Variants in PCDHA10 observed in about 807,000 individuals in gnomAD.
PCDHA10 encodes protocadherin alpha-10.
A neutral mutation model predicts 61.2 loss-of-function variants in PCDHA10; 45 were observed. The observed-to-expected ratio is 0.74, with a 90% confidence interval of 0.58 to 0.94. PCDHA10 has a LOEUF of 0.94. Among genes scored for constraint, PCDHA10 ranks in the 40% least tolerant of loss-of-function variants. PCDHA10 has a pLI of 0.00. For missense variants in PCDHA10, 1,278 were observed against 1,236.2 expected, an observed-to-expected ratio of 1.03 and a Z score of -0.51; for synonymous variants, 602 against 548.8, an observed-to-expected ratio of 1.10 and a Z score of -1.35.
chr5:140,985,643 A>C (rs564908892), intron 3 of PCDHA10, among the ~76,000 whole-genome samples: 10 of 151,298 alleles, frequency 6.6e-5, no homozygotes, highest in African/African-American at 1.9e-4. Context: ...TCATCCCAAC[A>C]CTTGCAATGG....
chr5:140,875,335 C>T (rs1380813312), intron 1 of PCDHA10: 3 of 1,438,650 alleles, frequency 2.1e-6, no homozygotes, highest in African/African-American at 2.9e-5. Context: ...GGAATAGGAT[C>T]GACTCCATAA....
intron 1 of PCDHA10, chr5:140,969,583 A>G: frequency 1.1e-6 from 1 of 914,068 alleles, no homozygotes; most frequent in Admixed American, 3.0e-5. Context: ...AGTGAGGATT[A>G]GTCTTAATAT....
At chr5:141,000,095 T>G (rs1299354306) in intron 3 of PCDHA10, among the ~76,000 whole-genome samples, 1 of 152,044 alleles carries the variant, frequency 6.6e-6, no homozygotes, top group Non-Finnish European at 1.5e-5. Flanking sequence ...TGAATGGAGC[T>G]CAACTCCGTC....
chr5:140,870,975 G>A, intron 1 of PCDHA10: 1 of 1,613,610 alleles, frequency 6.2e-7, no homozygotes, highest in Non-Finnish European at 8.5e-7. Context: ...TCCGCGTGGG[G>A]CTGTACACGG....
intron 1 of PCDHA10, among the ~76,000 whole-genome samples, chr5:140,874,881 CCTAA>C (rs1562692558): frequency 6.6e-6 from 1 of 152,102 alleles, no homozygotes; most frequent in African/African-American, 2.4e-5. Context: ...AATACAAATT[CCTAA>C]CTTTCTCTAA....
chr5:140,997,071 A>G lies in PCDHA10; in HGVS notation c.2537-12556A>G, dbSNP rs554920320. Among the ~76,000 whole-genome samples, 444 of 152,266 alleles carry G rather than the reference A, an allele frequency of 2.9e-3. 5 individuals carry two copies. Among genetic ancestry groups the G allele is most frequent in the Non-Finnish European group, 4.4e-3 (297 of 68,014 alleles). Reference sequence around the variant, plus strand: ...TTTAGAGCAGTTTTAGGTTCACAGGAAAGTTGAGTAGAAAGTGCAGAGTTC... The same window carrying G: ...TTTAGAGCAGTTTTAGGTTCACAGGGAAGTTGAGTAGAAAGTGCAGAGTTC... On this transcript the variant is annotated intron_variant, in intron 3 of 3. Coordinates refer to ENST00000307360, the MANE Select transcript of PCDHA10 (RefSeq NM_018901.4).
intron 2 of PCDHA10, among the ~76,000 whole-genome samples, chr5:140,980,258 G>A (rs2096882497): frequency 6.6e-6 from 1 of 152,164 alleles, no homozygotes; most frequent in Non-Finnish European, 1.5e-5. Context: ...GTAAAAGCAT[G>A]GTTTACAGTA....
At chr5:140,927,903 C>T in intron 1 of PCDHA10, 1 of 1,614,158 alleles carries the variant, frequency 6.2e-7, no homozygotes, top group South Asian at 1.1e-5. Flanking sequence ...ACGATCATGC[C>T]CCCGAACTGG....
At chr5:140,859,929 A>C (rs568538695) in intron 1 of PCDHA10, 3 of 152,046 alleles carry the variant, frequency 2.0e-5, no homozygotes, top group African/African-American at 7.2e-5. Context: ...TAATATAAAA[A>C]ACTTAGTAAA....
chr5:140,857,412 C>T lies in PCDHA10; in HGVS notation c.1364C>T (p.Ala455Val), dbSNP rs782751627. Residue 455 changes from alanine (A) to valine (V), a missense_variant, in exon 1 of 4, where the codon GCG (alanine) becomes GTG (valine). By Grantham distance (64) the Ala-to-Val change is moderately conservative. Transcript: ENST00000307360. ...ADVNDNAPAF[A>V]QSEYTVFVKE... is the part of the protein sequence containing the mutation. ...GTGAACGACAACGCGCCTGCGTTCGCGCAGTCCGAGTACACGGTGTTCGTG... is the reference window on the plus strand; with the variant it reads ...GTGAACGACAACGCGCCTGCGTTCGTGCAGTCCGAGTACACGGTGTTCGTG... 19 of 1,598,336 alleles carry T rather than the reference C, an allele frequency of 1.2e-5. 1 individual carries two copies. Among genetic ancestry groups the T allele is most frequent in the Non-Finnish European group, 1.4e-5 (16 of 1,167,836 alleles).
intron 1 of PCDHA10, chr5:140,929,360 C>T (rs781864515): frequency 6.6e-7 from 1 of 1,519,748 alleles, no homozygotes; most frequent in Admixed American, 2.2e-5. Context: ...TTCCTTTGGC[C>T]CGGAGATGGC....
intron 1 of PCDHA10, chr5:140,868,003 A>C (rs1166493353): frequency 6.6e-6 from 1 of 152,130 alleles, no homozygotes; most frequent in South Asian, 2.1e-4. Context: ...AATATAACTG[A>C]ATTAGATTAA....
chr5:140,957,778 A>G (rs1554223119), intron 1 of PCDHA10, among the ~76,000 whole-genome samples: 4 of 152,122 alleles, frequency 2.6e-5, no homozygotes, highest in African/African-American at 9.7e-5. Context: ...AGTAAAAACT[A>G]AGTTCATCAT....
At chr5:140,968,189 T>C (rs181004208) in intron 1 of PCDHA10, 2 of 1,614,034 alleles carry the variant, frequency 1.2e-6, no homozygotes, top group Middle Eastern at 1.6e-4. Flanking sequence ...GGACTCCTAT[T>C]CCATCTACAT....
At chr5:140,943,157 C>T (rs2093427609) in intron 1 of PCDHA10, among the ~76,000 whole-genome samples, 1 of 148,876 alleles carries the variant, frequency 6.7e-6, no homozygotes, top group South Asian at 2.1e-4. Context: ...ACTCTGGAGG[C>T]TGAGGCAGGA....
intron 1 of PCDHA10, chr5:140,863,284 G>A (rs1554158061): frequency 1.4e-6 from 2 of 1,461,880 alleles, no homozygotes; most frequent in Non-Finnish European, 1.9e-6. Flanking sequence ...GGATGTCAAC[G>A]TGTACCTGAT....
chr5:140,963,873 C>A (rs757553114), intron 1 of PCDHA10, among the ~76,000 whole-genome samples: 5 of 152,188 alleles, frequency 3.3e-5, no homozygotes, highest in Non-Finnish European at 5.9e-5. Flanking sequence ...GTTTTGCTTA[C>A]TATTGTTTTC....
At chr5:140,948,269 A>G (rs1339240276) in intron 1 of PCDHA10, among the ~76,000 whole-genome samples, 1 of 151,602 alleles carries the variant, frequency 6.6e-6, no homozygotes, top group Non-Finnish European at 1.5e-5. Flanking sequence ...GTTCATGTAG[A>G]ATATCTGTAA....
At chr5:140,974,828 A>T (rs2096642920) in intron 1 of PCDHA10, among the ~76,000 whole-genome samples, 1 of 152,188 alleles carries the variant, frequency 6.6e-6, no homozygotes, top group Non-Finnish European at 1.5e-5. Flanking sequence ...CAACATAATG[A>T]TTATTTTAAA....
Sources: gnomAD v4.1 joint callset for allele counts (sites outside exome capture counted in the v4.1 genomes callset) on GRCh38, gnomAD v4.1.1 for gene constraint, MANE v1.5 for transcripts, NCBI Gene and HGNC (gene_info 2026-07-23, HGNC 2026-07-21) for gene names.